Variants in GALNT17 observed in about 807,000 individuals in gnomAD.
The protein encoded by GALNT17 is UDP-GalNAc:polypeptide N-acetylgalactosaminyltransferase-like 3.
In GALNT17, 29 loss-of-function variants were observed where a neutral mutation model predicts 63.7. That is an observed-to-expected ratio of 0.46 (90% confidence interval 0.34 to 0.62). GALNT17 has a LOEUF of 0.62. Among genes scored for constraint, GALNT17 ranks in the 20% least tolerant of loss-of-function variants. The pLI is 0.01. For missense variants in GALNT17, 603 were observed against 799.6 expected, an observed-to-expected ratio of 0.75 and a Z score of 2.97; for synonymous variants, 305 against 318.3, an observed-to-expected ratio of 0.96 and a Z score of 0.45.
intron 1 of GALNT17, among the ~76,000 whole-genome samples, chr7:71,309,664 A>C (rs1328645220): frequency 6.6e-6 from 1 of 152,210 alleles, no homozygotes; most frequent in Non-Finnish European, 1.5e-5. Flanking sequence ...TGAATATAGG[A>C]TATTATAATG....
intron 1 of GALNT17, among the ~76,000 whole-genome samples, chr7:71,141,422 CTGTCACTT>C (rs1239182587): frequency 6.6e-6 from 1 of 151,880 alleles, no homozygotes; most frequent in African/African-American, 2.4e-5. Flanking sequence ...TTGATTTCCA[CTGTCACTT>C]ATTACCTCTG....
intron 5 of GALNT17, among the ~76,000 whole-genome samples, chr7:71,522,233 C>T (rs1324058322): frequency 2.6e-5 from 4 of 152,114 alleles, no homozygotes; most frequent in Admixed American, 1.3e-4. Context: ...GTCCTCAAAC[C>T]CTCTTGAGCA....
intron 1 of GALNT17, among the ~76,000 whole-genome samples, chr7:71,199,513 CCCATCCATTCATCCAT>C (rs1419707501): frequency 6.7e-6 from 1 of 149,472 alleles, no homozygotes; most frequent in Non-Finnish European, 1.5e-5. Flanking sequence ...ATCCACTAAC[CCCATCCATTCATCCAT>C]CCATCCATCC....
chr7:71,566,020 TTTTGTTTGTTTGTTTG>T (rs60365258), intron 5 of GALNT17, among the ~76,000 whole-genome samples: 3 of 150,104 alleles, frequency 2.0e-5, no homozygotes, highest in African/African-American at 7.4e-5. Context: ...ATTTTGTGGG[TTTTGTTTGTTTGTTTG>T]TTTGTTTGTT....
intron 1 of GALNT17, among the ~76,000 whole-genome samples, chr7:71,159,359 G>A (rs536565622): frequency 1.7e-4 from 26 of 151,496 alleles, no homozygotes; most frequent in Admixed American, 1.4e-3. Context: ...ATGATAAGCC[G>A]AAGCTTTCTA....
chr7:71,269,416 A>G (rs1790545788), intron 1 of GALNT17, among the ~76,000 whole-genome samples: 8 of 152,188 alleles, frequency 5.3e-5, no homozygotes, highest in Admixed American at 4.6e-4. Flanking sequence ...GCAGTGAGCT[A>G]TGATTGCGCC....
intron 1 of GALNT17, among the ~76,000 whole-genome samples, chr7:71,324,212 T>C (rs995262782): frequency 6.6e-6 from 1 of 152,144 alleles, no homozygotes; most frequent in Non-Finnish European, 1.5e-5. Flanking sequence ...GCAAGCAGTG[T>C]TCAGATTTGC....
chr7:71,448,378 T>A (rs1234440127), intron 5 of GALNT17, among the ~76,000 whole-genome samples: 1 of 152,030 alleles, frequency 6.6e-6, no homozygotes, highest in African/African-American at 2.4e-5. Context: ...TGTGTGTGTG[T>A]GGTCTCTATT....
intron 1 of GALNT17, among the ~76,000 whole-genome samples, chr7:71,286,950 C>T (rs1028232365): frequency 3.9e-5 from 6 of 151,916 alleles, no homozygotes; most frequent in Non-Finnish European, 8.8e-5. Flanking sequence ...GCCACTACAA[C>T]TGGCTAACGT....
chr7:71,229,698 TAACTC>T (rs1274988629), intron 1 of GALNT17, among the ~76,000 whole-genome samples: 1 of 152,150 alleles, frequency 6.6e-6, no homozygotes, highest in Non-Finnish European at 1.5e-5. Flanking sequence ...TAAAGGTGCC[TAACTC>T]AACCCAGCAA....
intron 1 of GALNT17, among the ~76,000 whole-genome samples, chr7:71,324,170 A>G (rs1274976232): frequency 6.6e-6 from 1 of 152,222 alleles, no homozygotes; most frequent in Non-Finnish European, 1.5e-5. Context: ...ATTATTTTCC[A>G]TAGGCAGCAG....
At chr7:71,365,116 A>G (rs1792479072) in intron 2 of GALNT17, among the ~76,000 whole-genome samples, 1 of 151,886 alleles carries the variant, frequency 6.6e-6, no homozygotes, top group Admixed American at 6.6e-5. Flanking sequence ...TATTTTCAGT[A>G]GATACTGGGC....
intron 5 of GALNT17, among the ~76,000 whole-genome samples, chr7:71,468,645 G>C (rs1787577434): frequency 6.6e-6 from 1 of 150,984 alleles, no homozygotes; most frequent in African/African-American, 2.4e-5. Flanking sequence ...TCAAACTCCT[G>C]ACCTCAGGTG....
intron 6 of GALNT17, among the ~76,000 whole-genome samples, chr7:71,598,689 A>G (rs1789922967): frequency 6.6e-6 from 1 of 152,216 alleles, no homozygotes; most frequent in South Asian, 2.1e-4. Flanking sequence ...CTAGACTTCA[A>G]TCGGCATGCA....
At chr7:71,338,515 A>C (rs1282727660) in intron 2 of GALNT17, among the ~76,000 whole-genome samples, 1 of 152,120 alleles carries the variant, frequency 6.6e-6, no homozygotes, top group Admixed American at 6.6e-5. Context: ...AGAGTGAGAC[A>C]CTGTCTAAAA....
At chr7:71,577,874 G>A (rs1465939448) in intron 6 of GALNT17, among the ~76,000 whole-genome samples, 1 of 151,982 alleles carries the variant, frequency 6.6e-6, no homozygotes, top group African/African-American at 2.4e-5. Context: ...GTCTAGCTCT[G>A]TCCATTCAAG....
chr7:71,550,388 T>C (rs1207662569), intron 5 of GALNT17, among the ~76,000 whole-genome samples: 4 of 152,174 alleles, frequency 2.6e-5, no homozygotes, highest in Non-Finnish European at 4.4e-5. Flanking sequence ...GTGTGTTTTT[T>C]TTGTTCTTTT....
At position 71,362,658 on chromosome 7, in the gene GALNT17, C is replaced by T. The variant is rs369212573; in HGVS notation, c.423-25577C>T. Among the ~76,000 whole-genome samples the T allele has an allele frequency of 1.1e-4, 17 of 152,180 alleles. No individual in the cohort carries two copies. The East Asian group carries it at 2.1e-3, about 19-fold the overall frequency. On this transcript the variant is annotated intron_variant, in intron 2 of 10. Coordinates refer to ENST00000333538, the MANE Select transcript of GALNT17 (RefSeq NM_022479.3). Reference sequence around the variant, plus strand: ...GACTTGCTGTTGCTTTTTTTCATGGCCAAGATGCTGATTTAGTGGCATTTT... The same window carrying T: ...GACTTGCTGTTGCTTTTTTTCATGGTCAAGATGCTGATTTAGTGGCATTTT...
intron 5 of GALNT17, among the ~76,000 whole-genome samples, chr7:71,553,494 G>A (rs1334494173): frequency 1.3e-5 from 2 of 152,044 alleles, no homozygotes; most frequent in African/African-American, 4.8e-5. Context: ...TAAGACTTAC[G>A]AGACAGACTG....
Sources: gnomAD v4.1 joint callset for allele counts (sites outside exome capture counted in the v4.1 genomes callset) on GRCh38, gnomAD v4.1.1 for gene constraint, MANE v1.5 for transcripts, NCBI Gene and HGNC (gene_info 2026-07-23, HGNC 2026-07-21) for gene names.